DOK7: variants seen among roughly 807,000 people sequenced by gnomAD.
The protein encoded by DOK7 is protein Dok-7.
DOK7 carries 32 observed loss-of-function variants against 30.7 expected under a neutral mutation model. That is an observed-to-expected ratio of 1.04 (90% CI 0.79 to 1.40). The LOEUF is 1.40. Among genes scored for constraint, DOK7 ranks in the 40% most tolerant of loss-of-function variants. The pLI, the probability that DOK7 is intolerant of heterozygous loss-of-function variation, is 0.00. For synonymous variants in DOK7, 447 were observed against 324.1 expected, an observed-to-expected ratio of 1.38 and a Z score of -4.07; for missense variants, 1,007 against 699.2, an observed-to-expected ratio of 1.44 and a Z score of -4.97.
At chr4:3,500,043 G>A (rs975250900) in intron 6 of DOK7, among the ~76,000 whole-genome samples, 6 of 128,036 alleles carry the variant, frequency 4.7e-5, no homozygotes, top group Non-Finnish European at 1.0e-4. Flanking sequence ...CTTGGACCAG[G>A]AGTGGACAGT....
intron 4 of DOK7, chr4:3,485,212 TC>T: frequency 3.7e-6 from 1 of 268,660 alleles, no homozygotes; most frequent in South Asian, 1.4e-4. Flanking sequence ...CCCTCCCTCC[TC>T]CCCATGCCCT....
At chr4:3,487,922 G>A (rs1047004597) in intron 5 of DOK7, among the ~76,000 whole-genome samples, 2 of 152,244 alleles carry the variant, frequency 1.3e-5, no homozygotes, top group Admixed American at 6.5e-5. Context: ...GCACCAAGGA[G>A]CCAGGACTGG....
intron 6 of DOK7, among the ~76,000 whole-genome samples, chr4:3,490,821 CTGCCTTCCCCCCATTCA>C (rs1728317784): frequency 3.5e-5 from 2 of 57,094 alleles, no homozygotes; most frequent in Admixed American, 2.3e-4. Flanking sequence ...TCATTCATTC[CTGCCTTCCCCCCATTCA>C]TTCCTTCCTT....
rs756384944 is a variant in DOK7 at position 3,473,653 on chromosome 4, G to A, written c.331+17G>A. 3.9e-5 allele frequency: 60 copies of A among 1,525,294 alleles called. No individual in the cohort carries two copies. In the Admixed American group the frequency reaches 6.5e-4, roughly 17 times the overall value. The allele number at this position is 1,525,294 out of a possible 1,614,324, so 94.5% of individuals were successfully genotyped here. A position where few individuals can be genotyped will look rare whatever the true frequency, so the allele number is the denominator to read the frequency against. On this transcript the variant is annotated intron_variant, in intron 3 of 6. Transcript: ENST00000340083. ...TCGGCGAGGGTGAGTGACGGGGGCC[G>A]GGGCCGGGCGGGGGCTCCCCGTTCA...
At chr4:3,465,482 C>T (rs1367564185) in intron 2 of DOK7, among the ~76,000 whole-genome samples, 4 of 152,316 alleles carry the variant, frequency 2.6e-5, no homozygotes, top group African/African-American at 7.2e-5. Flanking sequence ...GAGGAAGGGT[C>T]CCGTCTGCTT....
At chr4:3,498,466 C>A (rs956859235), downstream of DOK7, among the ~76,000 whole-genome samples, 2 of 152,214 alleles carry the variant, frequency 1.3e-5, no homozygotes, top group Non-Finnish European at 2.9e-5. Flanking sequence ...CTTGGAAGAA[C>A]GGATGCAATC....
chr4:3,496,916 G>T, downstream of DOK7: 1 of 1,501,348 alleles, frequency 6.7e-7, no homozygotes, highest in Non-Finnish European at 8.9e-7. Context: ...GCGGGAGTCT[G>T]GGTGGGCGCA....
intron 4 of DOK7, chr4:3,484,986 C>A: frequency 4.6e-6 from 3 of 646,052 alleles, no homozygotes; most frequent in Non-Finnish European, 5.8e-6. Flanking sequence ...GCCTTGGAGC[C>A]CTGAGGGGAC....
At chr4:3,500,728 T>C in exon 8 of DOK7, 1 of 1,535,110 alleles carries the variant, frequency 6.5e-7, no homozygotes, top group Non-Finnish European at 8.7e-7. Flanking sequence ...ATCGACATCA[T>C]GGCCACCGAG....
intron 5 of DOK7, among the ~76,000 whole-genome samples, chr4:3,486,508 T>G (rs1305932373): frequency 6.6e-6 from 1 of 152,154 alleles, no homozygotes; most frequent in Non-Finnish European, 1.5e-5. Flanking sequence ...GAGCAGCATG[T>G]GGGGTGGGAC....
rs1328023983 is a variant in DOK7, at chr4:3,493,592, C to G, written c.*91C>G. The G allele has an allele frequency of 1.3e-6, 2 of 1,544,254 alleles. No homozygotes were observed. The highest frequency in any genetic ancestry group is 2.7e-5 in the African/African-American group (2 of 72,868). On this transcript the variant is annotated 3_prime_UTR_variant, in exon 7 of 7. Transcript: ENST00000340083. ...GCGCCAGCCTCCTTGCAGACTGGTG[C>G]TCTGTGTTCTGTGGGAGGGACCGGG... is the stretch of plus-strand genomic sequence containing the variant.
rs1054919100 is a variant in DOK7 at position 3,500,680 on chromosome 4, G to C, written c.1262-12G>C. ...GGGGCGCAGGCTGCCGCTCACTACA[G>C]AATTCTTTCAGGGGCTGGCGCCTCC... On this transcript the variant is annotated splice_polypyrimidine_tract_variant and intron_variant, in intron 7 of 7. Transcript: ENST00000643608. 6.5e-6 allele frequency: 10 copies of C among 1,535,846 alleles called. No individual in the cohort carries two copies. The African/African-American group carries it at 8.2e-5, about 13-fold the overall frequency.
chr4:3,494,512 T>C (rs1728787164), downstream of DOK7: 3 of 985,618 alleles, frequency 3.0e-6, no homozygotes, highest in Non-Finnish European at 2.4e-6. Context: ...TGCCCAGCCC[T>C]CTCCGCCTCC....
intron 3 of DOK7, among the ~76,000 whole-genome samples, chr4:3,474,324 C>T (rs1726940205): frequency 6.6e-6 from 1 of 152,226 alleles, no homozygotes; most frequent in African/African-American, 2.4e-5. Context: ...GAGTTGAGTC[C>T]TGGTCCTACC....
In DOK7 at chr4:3,463,401, G is replaced by A; in HGVS notation, c.26G>A (p.Gly9Asp). ...ATGACCGAGGCGGCGCTGGTGGAGG[G>A]CCAGGTCAAGCTGCGGGACGGCAAG... MTEAALVE[G>D]QVKLRDGKKW... is the part of the protein sequence containing the mutation. Residue 9 changes from glycine to aspartate, a missense_variant, in exon 1 of 7, where the codon GGC becomes GAC. Gly to Asp is a moderately conservative substitution (Grantham distance 94). Coordinates refer to ENST00000340083, the MANE Select transcript of DOK7 (RefSeq NM_173660.5). 4 of 1,481,440 alleles carry A rather than the reference G, an allele frequency of 2.7e-6. No individual in the cohort carries two copies. The highest frequency in any genetic ancestry group is 3.5e-6 in the Non-Finnish European group (4 of 1,128,780). The allele number at this position is 1,481,440 out of a possible 1,614,324, so 91.8% of individuals were successfully genotyped here.
downstream of DOK7, among the ~76,000 whole-genome samples, chr4:3,498,059 G>A (rs143396213): frequency 1.3e-3 from 198 of 152,282 alleles, no homozygotes; most frequent in African/African-American, 4.5e-3. Flanking sequence ...CAGGAGGGGC[G>A]CCTGGGGTCT....
rs760065598 is a variant in DOK7, at chr4:3,489,719, C to T, written c.695C>T (p.Ala232Val). ...CCCTCGACTGTGGAGGAGCGTGTGG[C>T]CCAGGAAGCCCTGGAAACCCTACAG... ...PGPSTVEERV[A>V]QEALETLQLE... is the part of the protein sequence containing the mutation. The change falls in exon 6 of 7, where the codon GCC (alanine) becomes GTC (valine). Residue 232 changes from alanine (A) to valine (V), a missense_variant. Ala to Val is a moderately conservative substitution (Grantham distance 64). Transcript: ENST00000340083. 11 of 1,564,372 alleles carry T rather than the reference C, an allele frequency of 7.0e-6. No individual in the cohort carries two copies. Among genetic ancestry groups the T allele is most frequent in the East Asian group, 4.8e-5 (2 of 42,038 alleles).
rs543095041 is a variant in DOK7 at position 3,484,412 on chromosome 4, C to T, written c.533-1127C>T. On this transcript the variant is annotated intron_variant, in intron 4 of 6. Transcript: ENST00000340083. The stretch of plus-strand genomic sequence containing the variant: ...GCCGAGATTTCCCTTCCCCCCAACT[C>T]CTGCCCACCCCGGCGCCTTCCCTCC... The T allele has an allele frequency of 4.7e-6, 4 of 845,104 alleles. No homozygotes were observed. In the African/African-American group the frequency reaches 7.4e-5, roughly 16 times the overall value. 52.4% of individuals were successfully genotyped at this position (845,104 alleles called of 1,614,324 possible). A position where few individuals can be genotyped will look rare whatever the true frequency, so the allele number is the denominator to read the frequency against.
chr4:3,491,056 C>A (rs1379806512), intron 6 of DOK7, among the ~76,000 whole-genome samples: 1 of 100,408 alleles, frequency 1.0e-5, no homozygotes, highest in Non-Finnish European at 1.9e-5. Flanking sequence ...CCTTTCTTTT[C>A]CCCCGGCTCA....
Sources: gnomAD v4.1 joint callset for allele counts (sites outside exome capture counted in the v4.1 genomes callset) on GRCh38, gnomAD v4.1.1 for gene constraint, MANE v1.5 for transcripts, NCBI Gene and HGNC (gene_info 2026-07-23, HGNC 2026-07-21) for gene names.